GULP1: variants seen among roughly 807,000 people sequenced by gnomAD.
GULP1 encodes PTB domain-containing engulfment adapter protein 1.
GULP1 carries 19 observed loss-of-function variants against 40.9 expected under a neutral mutation model. The observed-to-expected ratio is 0.46, with a 90% CI of 0.32 to 0.68. GULP1 has a LOEUF of 0.68. Ranked by LOEUF, GULP1 falls within the 30% of genes least tolerant of loss-of-function variation. The pLI is 0.03. For synonymous variants in GULP1, 119 were observed against 117.6 expected, an observed-to-expected ratio of 1.01 and a Z score of -0.08; for missense variants, 312 against 362.2, an observed-to-expected ratio of 0.86 and a Z score of 1.12.
At chr2:188,386,599 T>C (rs979041047) in intron 2 of GULP1, among the ~76,000 whole-genome samples, 2 of 152,174 alleles carry the variant, frequency 1.3e-5, no homozygotes, top group African/African-American at 4.8e-5. Context: ...TCAATATTCT[T>C]ATAGATAAAT....
Position 188,303,033 on chromosome 2 carries a change from T to A in GULP1, c.-172+10867T>A, listed in dbSNP as rs2036422260. ...CCTGTTATGATGGTCCTGAATAAAG[T>A]TTGCCTTCCTGTTCTTTAATAATGT... is the stretch of plus-strand genomic sequence containing the variant. On this transcript the variant is annotated intron_variant, in intron 1 of 11. Transcript: ENST00000409830. Among the ~76,000 whole-genome samples, 3 of 152,156 alleles carry A rather than the reference T, an allele frequency of 2.0e-5. No individual in the cohort carries two copies. The South Asian group carries it at 6.2e-4, about 32-fold the overall frequency.
intron 7 of GULP1, among the ~76,000 whole-genome samples, chr2:188,558,687 C>A (rs984967532): frequency 6.6e-6 from 1 of 152,132 alleles, no homozygotes; most frequent in African/African-American, 2.4e-5. Context: ...TGGCTTTGAC[C>A]AAAAGCCTGA....
chr2:188,547,095 C>T (rs1482249963), intron 7 of GULP1, among the ~76,000 whole-genome samples: 1 of 149,844 alleles, frequency 6.7e-6, no homozygotes, highest in Non-Finnish European at 1.5e-5. Flanking sequence ...TAGATGGTTT[C>T]ACTGGAGAAT....
intron 1 of GULP1, among the ~76,000 whole-genome samples, chr2:188,304,858 A>G (rs1004358857): frequency 1.1e-4 from 16 of 152,230 alleles, no homozygotes; most frequent in Admixed American, 3.3e-4. Context: ...CTCTGCTCTC[A>G]TACAACAACA....
intron 4 of GULP1, among the ~76,000 whole-genome samples, chr2:188,483,847 G>A (rs747086430): frequency 2.0e-5 from 3 of 152,034 alleles, no homozygotes; most frequent in Non-Finnish European, 4.4e-5. Context: ...ATAAAAACCT[G>A]CAAATGAGAG....
chr2:188,527,549 C>T (rs535696062), intron 5 of GULP1, among the ~76,000 whole-genome samples: 4 of 152,212 alleles, frequency 2.6e-5, no homozygotes, highest in South Asian at 2.1e-4. Context: ...GATCTACACT[C>T]AAGCAAAATA....
chr2:188,425,376 A>G (rs1472613961), intron 2 of GULP1, among the ~76,000 whole-genome samples: 4 of 152,064 alleles, frequency 2.6e-5, no homozygotes, highest in African/African-American at 9.7e-5. Flanking sequence ...TTCTCATTTT[A>G]ATTAGTGGAG....
chr2:188,555,429 AT>A (rs1694500633), intron 7 of GULP1, among the ~76,000 whole-genome samples: 1 of 152,138 alleles, frequency 6.6e-6, no homozygotes, highest in South Asian at 2.1e-4. Flanking sequence ...TTCCCTCAGT[AT>A]TTACTTGTCT....
chr2:188,305,069 A>G, intron 1 of GULP1, among the ~76,000 whole-genome samples: 1 of 152,086 alleles, frequency 6.6e-6, no homozygotes, highest in Non-Finnish European at 1.5e-5. Flanking sequence ...GGCCTCTGTA[A>G]CTTCTGACCC....
At chr2:188,344,044 A>C (rs2043306816) in intron 1 of GULP1, among the ~76,000 whole-genome samples, 1 of 152,092 alleles carries the variant, frequency 6.6e-6, no homozygotes, top group Non-Finnish European at 1.5e-5. Context: ...CCCGACCTCA[A>C]GTGAGCCCCC....
intron 7 of GULP1, among the ~76,000 whole-genome samples, chr2:188,562,412 C>T (rs1225485413): frequency 1.3e-5 from 2 of 152,138 alleles, no homozygotes; most frequent in African/African-American, 4.8e-5. Flanking sequence ...CTTCTTCCTT[C>T]CTTGCTTTTG....
At chr2:188,463,256 CT>C (rs1323738701) in intron 2 of GULP1, among the ~76,000 whole-genome samples, 1 of 152,106 alleles carries the variant, frequency 6.6e-6, no homozygotes, top group Non-Finnish European at 1.5e-5. Flanking sequence ...TTTATTTCTC[CT>C]TCAAATTTGA....
At chr2:188,309,812 T>C (rs2037763935) in intron 1 of GULP1, among the ~76,000 whole-genome samples, 2 of 152,246 alleles carry the variant, frequency 1.3e-5, no homozygotes, top group Non-Finnish European at 2.9e-5. Flanking sequence ...TTCCTGCTTT[T>C]ACTATGCAGA....
intron 2 of GULP1, among the ~76,000 whole-genome samples, chr2:188,391,346 G>A (rs904163410): frequency 1.1e-4 from 16 of 151,836 alleles, no homozygotes; most frequent in Non-Finnish European, 1.6e-4. Flanking sequence ...ATATTCCTAG[G>A]TATTTTATTT....
intron 2 of GULP1, among the ~76,000 whole-genome samples, chr2:188,400,841 A>C (rs565937088): frequency 6.6e-6 from 1 of 151,980 alleles, no homozygotes; most frequent in Non-Finnish European, 1.5e-5. Context: ...GAGGAATCAC[A>C]TGTAATATGG....
intron 2 of GULP1, among the ~76,000 whole-genome samples, chr2:188,392,368 G>C (rs2050644208): frequency 6.6e-6 from 1 of 151,936 alleles, no homozygotes; most frequent in African/African-American, 2.4e-5. Flanking sequence ...ATTTTCTCTA[G>C]ACTTCCTAGT....
At chr2:188,344,076 A>G (rs1574570697) in intron 1 of GULP1, among the ~76,000 whole-genome samples, 4 of 152,164 alleles carry the variant, frequency 2.6e-5, no homozygotes, top group Non-Finnish European at 5.9e-5. Context: ...CCAAAGTGCT[A>G]GGATTACAGG....
intron 2 of GULP1, among the ~76,000 whole-genome samples, chr2:188,423,530 A>G (rs1013340258): frequency 2.0e-5 from 3 of 151,834 alleles, no homozygotes; most frequent in African/African-American, 7.2e-5. Flanking sequence ...TTGCATTTTA[A>G]GAGTATTATA....
intron 7 of GULP1, among the ~76,000 whole-genome samples, chr2:188,558,808 C>T (rs963018189): frequency 6.6e-6 from 1 of 152,176 alleles, no homozygotes; most frequent in African/African-American, 2.4e-5. Context: ...AAGAGACTGG[C>T]AGCATTTTGC....
Sources: gnomAD v4.1 joint callset for allele counts (sites outside exome capture counted in the v4.1 genomes callset) on GRCh38, gnomAD v4.1.1 for gene constraint, MANE v1.5 for transcripts, NCBI Gene and HGNC (gene_info 2026-07-23, HGNC 2026-07-21) for gene names.